DPP10: variants seen among roughly 807,000 people sequenced by gnomAD.
The protein encoded by DPP10 is inactive dipeptidyl peptidase 10.
A neutral mutation model predicts 120.9 loss-of-function variants in DPP10; 33 were observed. The observed-to-expected ratio is 0.27, with a 90% CI of 0.21 to 0.37. The LOEUF (loss-of-function observed/expected upper bound fraction) is 0.37. Ranked by LOEUF, DPP10 falls within the 10% of genes least tolerant of loss-of-function variation. The probability of loss-of-function intolerance (pLI) is 1.00; values close to 1 mark genes in which losing one functional copy is unlikely to be tolerated. For synonymous variants in DPP10, 337 were observed against 326.1 expected, an observed-to-expected ratio of 1.03 and a Z score of -0.36; for missense variants, 816 against 942.8, an observed-to-expected ratio of 0.87 and a Z score of 1.76.
intron 1 of DPP10, among the ~76,000 whole-genome samples, chr2:114,651,373 G>T (rs1696570484): frequency 6.6e-6 from 1 of 152,078 alleles, no homozygotes; most frequent in Admixed American, 6.5e-5. Flanking sequence ...TGCGTGAGTG[G>T]CAAGGAATAC....
rs1030763145 is a variant in DPP10, at chr2:114,497,348, C to T, written c.60+54510C>T. On this transcript the variant is annotated intron_variant, in intron 1 of 25. Coordinates refer to ENST00000410059, the MANE Select transcript of DPP10 (RefSeq NM_020868.6). ...ACGTGTATACATGTACATATACATA[C>T]ACATGTACATATACATACACATGTA... is the stretch of plus-strand genomic sequence containing the variant. 2.9e-4 allele frequency among the ~76,000 whole-genome samples: 8 copies of T among 27,162 alleles called. 1 individual carries two copies. The highest frequency in any genetic ancestry group is 6.5e-4 in the African/African-American group (8 of 12,252). 17.8% of individuals were successfully genotyped at this position (27,162 alleles called of 152,430 possible). A position where few individuals can be genotyped will look rare whatever the true frequency, so the allele number is the denominator to read the frequency against.
chr2:115,570,446 TATGGTTGAGTCTTTCAC>T (rs2081273179), intron 5 of DPP10, among the ~76,000 whole-genome samples: 1 of 152,214 alleles, frequency 6.6e-6, no homozygotes, highest in Admixed American at 6.5e-5. Flanking sequence ...GGGTAAAATA[TATGGTTGAGTCTTTCAC>T]ATAGTCCACA....
intron 1 of DPP10, among the ~76,000 whole-genome samples, chr2:114,985,516 G>T (rs72945843): frequency 1.3e-5 from 2 of 152,122 alleles, no homozygotes; most frequent in Non-Finnish European, 2.9e-5. Context: ...TGCACCCTAC[G>T]TTGAGCAAAA....
intron 1 of DPP10, among the ~76,000 whole-genome samples, chr2:114,508,175 C>A (rs1045272575): frequency 6.6e-6 from 1 of 152,104 alleles, no homozygotes; most frequent in South Asian, 2.1e-4. Flanking sequence ...TGTATGCAGT[C>A]AAGTAAACGT....
intron 5 of DPP10, among the ~76,000 whole-genome samples, chr2:115,646,981 A>C (rs916812658): frequency 2.0e-5 from 3 of 152,156 alleles, no homozygotes; most frequent in Non-Finnish European, 4.4e-5. Context: ...ATAAATAGGA[A>C]GTAAGATAGT....
Position 115,469,884 on chromosome 2 carries a change from G to GAAAAAAAAA in DPP10, c.272-29619_272-29611dup, listed in dbSNP as rs1212190142. Among the ~76,000 whole-genome samples, 57 of 75,198 alleles carry GAAAAAAAAA rather than the reference G, an allele frequency of 7.6e-4. 1 individual carries two copies. Among genetic ancestry groups the GAAAAAAAAA allele is most frequent in the Middle Eastern group, 7.7e-3 (1 of 130 alleles). The allele number at this position is 75,198 out of a possible 152,430, so 49.3% of individuals were successfully genotyped here. On this transcript the variant is annotated intron_variant, in intron 3 of 25. Transcript: ENST00000410059. ...TTGCACTCCAGCCTGGGCAACAAGA[G>GAAAAAAAAA]AAAAAAAAAAAAAAAGAAAAAAAAA...
chr2:115,742,607 G>T (rs890020366), intron 9 of DPP10, among the ~76,000 whole-genome samples: 83 of 152,068 alleles, frequency 5.5e-4, no homozygotes, highest in African/African-American at 1.9e-3. Flanking sequence ...TTTGGTCCTT[G>T]TTCTTAAAAC....
chr2:115,651,270 A>T (rs1224325563), intron 5 of DPP10, among the ~76,000 whole-genome samples: 1 of 152,108 alleles, frequency 6.6e-6, no homozygotes, highest in Non-Finnish European at 1.5e-5. Context: ...GTATAATATG[A>T]ATAGACTTCT....
chr2:115,258,181 T>C lies in DPP10; in HGVS notation c.61-51058T>C, dbSNP rs561745688. 2.6e-5 allele frequency among the ~76,000 whole-genome samples: 4 copies of C among 152,346 alleles called. No homozygotes were observed. In the East Asian group the frequency reaches 5.8e-4, roughly 22 times the overall value. ...TGGTACACTGAAATAGATTTTGTTA[T>C]ACTTTATATGCCTGAAATTAGTATG... On this transcript the variant is annotated intron_variant, in intron 1 of 25. Transcript: ENST00000410059.
intron 1 of DPP10, among the ~76,000 whole-genome samples, chr2:114,670,926 A>G (rs1313306919): frequency 1.3e-5 from 2 of 152,150 alleles, no homozygotes; most frequent in Non-Finnish European, 2.9e-5. Flanking sequence ...CACACATATC[A>G]TAGGTAGTTA....
At chr2:114,863,552 C>A (rs142904761) in intron 1 of DPP10, among the ~76,000 whole-genome samples, 21 of 152,218 alleles carry the variant, frequency 1.4e-4, no homozygotes, top group African/African-American at 5.1e-4. Flanking sequence ...GCCATCCTGA[C>A]CAACAATGAT....
Position 115,157,990 on chromosome 2 carries a change from C to T in DPP10, c.61-151249C>T, listed in dbSNP as rs530681858. On this transcript the variant is annotated intron_variant, in intron 1 of 25. Transcript: ENST00000410059. ...TAGCTGCTTGTGGAGTACTGTTTGC[C>T]TTGTCTAATTTATCTGAAACTGAAG... Among the ~76,000 whole-genome samples the T allele has an allele frequency of 8.6e-4, 131 of 152,268 alleles. 2 individuals are homozygous for T. The highest frequency in any genetic ancestry group is 2.9e-3 in the African/African-American group (120 of 41,560).
At chr2:115,678,375 C>A (rs1426320463) in intron 5 of DPP10, among the ~76,000 whole-genome samples, 1 of 152,242 alleles carries the variant, frequency 6.6e-6, no homozygotes, top group Non-Finnish European at 1.5e-5. Flanking sequence ...TCCTGCCATG[C>A]TAAAAGGGGC....
At chr2:115,834,949 G>A (rs996364459) in intron 21 of DPP10, among the ~76,000 whole-genome samples, 45 of 152,234 alleles carry the variant, frequency 3.0e-4, no homozygotes, top group African/African-American at 9.6e-4. Context: ...TAGCCGGGCT[G>A]GTGGCGGGCG....
chr2:114,868,476 TCA>T (rs1276784413), intron 1 of DPP10, among the ~76,000 whole-genome samples: 2 of 152,190 alleles, frequency 1.3e-5, no homozygotes, highest in African/African-American at 4.8e-5. Flanking sequence ...TTCACCACGT[TCA>T]CCTCCAATTC....
At chr2:114,956,986 C>CAAAAAAAAAAAAAAA (rs764400761) in intron 1 of DPP10, among the ~76,000 whole-genome samples, 2 of 106,972 alleles carry the variant, frequency 1.9e-5, no homozygotes, top group Non-Finnish European at 3.9e-5. Context: ...TAAAACTATT[C>CAAAAAAAAAAAAAAA]AAAAAAAAAA....
At chr2:115,776,383 G>A (rs1248958258) in intron 13 of DPP10, among the ~76,000 whole-genome samples, 1 of 152,006 alleles carries the variant, frequency 6.6e-6, no homozygotes, top group Non-Finnish European at 1.5e-5. Flanking sequence ...CTGTTCTTGT[G>A]TTACTTTGCT....
chr2:114,904,564 T>C (rs1197848288), intron 1 of DPP10, among the ~76,000 whole-genome samples: 1 of 152,212 alleles, frequency 6.6e-6, no homozygotes, highest in Non-Finnish European at 1.5e-5. Flanking sequence ...TCTCAGCCAA[T>C]TCATATTGCA....
chr2:115,720,684 G>A (rs12621389), intron 7 of DPP10, among the ~76,000 whole-genome samples: 147,945 of 152,234 alleles, frequency 0.97, 72,053 homozygotes, highest in Middle Eastern at 1. Flanking sequence ...TAGTGATTCT[G>A]TTTCACTGAA....
Sources: gnomAD v4.1 joint callset for allele counts (sites outside exome capture counted in the v4.1 genomes callset) on GRCh38, gnomAD v4.1.1 for gene constraint, MANE v1.5 for transcripts, NCBI Gene and HGNC (gene_info 2026-07-23, HGNC 2026-07-21) for gene names.